Variants in PRKAR1B observed in about 807,000 individuals in gnomAD.
PRKAR1B encodes the protein protein kinase cAMP-dependent type I regulatory subunit beta, also known as cAMP-dependent protein kinase type I-beta regulatory subunit.
Under a neutral mutation model 46.5 loss-of-function variants are expected in PRKAR1B, and 22 were observed. The observed-to-expected ratio is 0.47, with a 90% CI of 0.34 to 0.68. The LOEUF is 0.68. Among genes scored for constraint, PRKAR1B ranks in the 30% least tolerant of loss-of-function variants. The pLI is 0.01. For synonymous variants in PRKAR1B, 259 were observed against 217.7 expected, an observed-to-expected ratio of 1.19 and a Z score of -1.67; for missense variants, 445 against 535.6, an observed-to-expected ratio of 0.83 and a Z score of 1.67.
chr7:652,614 A>G (rs1001732681), intron 4 of PRKAR1B, among the ~76,000 whole-genome samples: 1 of 152,242 alleles, frequency 6.6e-6, no homozygotes, highest in African/African-American at 2.4e-5. Context: ...ACAGGAGACT[A>G]TTTTGTAAAT....
At chr7:700,657 C>T (rs1314489432) in intron 2 of PRKAR1B, among the ~76,000 whole-genome samples, 1 of 148,990 alleles carries the variant, frequency 6.7e-6, no homozygotes, top group Non-Finnish European at 1.5e-5. Flanking sequence ...GCAAAGAAAT[C>T]AAATTTATTT....
In PRKAR1B at chr7:593,048, A is replaced by C. The variant is rs1781075796; in HGVS notation, c.708+3098T>G. Among the ~76,000 whole-genome samples, 1 of 152,204 alleles carries C rather than the reference A, an allele frequency of 6.6e-6. No homozygotes were observed. The highest frequency in any genetic ancestry group is 1.5e-5 in the Non-Finnish European group (1 of 68,038). On this transcript the variant is annotated intron_variant, in intron 7 of 10. Transcript: ENST00000537384. The surrounding 1 kb of genome is among the most constrained non-coding windows in gnomAD (Gnocchi z 6.1). Reference sequence around the variant, plus strand: ...GACATTGTTTCAAAAAAATTAAAAAAAACAAAAAGGTAAGAAAGAAAAAGC... The same window carrying C: ...GACATTGTTTCAAAAAAATTAAAAACAACAAAAAGGTAAGAAAGAAAAAGC...
At chr7:618,332 C>A (rs1192573931) in intron 4 of PRKAR1B, among the ~76,000 whole-genome samples, 1 of 152,196 alleles carries the variant, frequency 6.6e-6, no homozygotes, top group Non-Finnish European at 1.5e-5. Context: ...AAATATGGAG[C>A]ACTCAGTTCA....
chr7:714,302 T>A lies in PRKAR1B; in HGVS notation c.-22-2775A>T, dbSNP rs1318218015. Among the ~76,000 whole-genome samples the A allele has an allele frequency of 6.6e-6, 1 of 152,162 alleles. No homozygotes were observed. The highest frequency in any genetic ancestry group is 1.9e-4 in the East Asian group (1 of 5,196). On this transcript the variant is annotated intron_variant, in intron 1 of 10. Coordinates refer to ENST00000537384, the MANE Select transcript of PRKAR1B (RefSeq NM_001164760.2). The surrounding 1 kb of genome is among the most constrained non-coding windows in gnomAD (Gnocchi z 4.3). ...CTCTAGAGGAGAGTGGAGGCACCTC[T>A]CTGGCTGACCTCACAGGACAGCCCT...
chr7:670,148 G>A (rs559573365), intron 4 of PRKAR1B, among the ~76,000 whole-genome samples: 1 of 152,024 alleles, frequency 6.6e-6, no homozygotes, highest in African/African-American at 2.4e-5. Context: ...AATTATGGAC[G>A]TGAGCCACCG....
chr7:643,990 C>T (rs552264119), intron 4 of PRKAR1B, among the ~76,000 whole-genome samples: 4 of 152,260 alleles, frequency 2.6e-5, no homozygotes, highest in East Asian at 3.9e-4. Context: ...CTGTGCCATT[C>T]GAATTCCCAC....
chr7:715,333 C>T (rs1449817996), intron 1 of PRKAR1B, among the ~76,000 whole-genome samples: 2 of 152,140 alleles, frequency 1.3e-5, no homozygotes, highest in Admixed American at 6.5e-5. Flanking sequence ...TTAAATGCTC[C>T]TGGATGAAGA....
intron 3 of PRKAR1B, among the ~76,000 whole-genome samples, chr7:679,088 C>CA (rs901879336): frequency 6.6e-5 from 10 of 152,132 alleles, no homozygotes; most frequent in African/African-American, 2.4e-4. Flanking sequence ...AACTCCATCT[C>CA]AAAAAAATAT....
intron 1 of PRKAR1B, 30 bp downstream of exon 1, chr7:727,180 G>C (rs929116538): frequency 2.2e-5 from 29 of 1,338,734 alleles, no homozygotes; most frequent in Non-Finnish European, 2.7e-5. Context: ...CCTGGCCGTG[G>C]ACCTGTGCGG....
intron 2 of PRKAR1B, among the ~76,000 whole-genome samples, chr7:689,149 T>C (rs910751362): frequency 6.6e-6 from 1 of 152,006 alleles, no homozygotes; most frequent in Admixed American, 6.6e-5. Flanking sequence ...AGAGTCTCGC[T>C]CTGTCACCCA....
intron 2 of PRKAR1B, among the ~76,000 whole-genome samples, chr7:699,254 A>T (rs1201319645): frequency 1.1e-4 from 16 of 152,200 alleles, no homozygotes; most frequent in Admixed American, 1.0e-3. Context: ...CTCATTTGTA[A>T]GATGGGAATG....
chr7:605,026 T>C (rs1781930642), intron 6 of PRKAR1B, among the ~76,000 whole-genome samples: 1 of 152,092 alleles, frequency 6.6e-6, no homozygotes, highest in Non-Finnish European at 1.5e-5. Context: ...TCTCATGAGA[T>C]GTCATCACCA....
In PRKAR1B at chr7:670,560, C is replaced by T. The variant is rs113714326; in HGVS notation, c.440+6669G>A. On this transcript the variant is annotated intron_variant, in intron 4 of 10. Coordinates refer to ENST00000537384, the MANE Select transcript of PRKAR1B (RefSeq NM_001164760.2). ...CGCCACAGCATCCAGCAGAGGGGCTCAGGACCGAGGACGGCCTCCGAGCTC... is the reference window on the plus strand; with the variant it reads ...CGCCACAGCATCCAGCAGAGGGGCTTAGGACCGAGGACGGCCTCCGAGCTC... 4.4e-3 allele frequency among the ~76,000 whole-genome samples: 663 copies of T among 150,046 alleles called. 1 individual carries two copies. The highest frequency in any genetic ancestry group is 0.022 in the South Asian group (101 of 4,648).
intron 4 of PRKAR1B, among the ~76,000 whole-genome samples, chr7:638,922 A>G (rs1417933879): frequency 6.6e-6 from 1 of 152,016 alleles, no homozygotes; most frequent in Non-Finnish European, 1.5e-5. Context: ...TATTACAAAT[A>G]CAAAAATTAT....
At chr7:613,826 C>T (rs977836258) in intron 4 of PRKAR1B, among the ~76,000 whole-genome samples, 1 of 152,220 alleles carries the variant, frequency 6.6e-6, no homozygotes, top group Non-Finnish European at 1.5e-5. Context: ...GGGACTTGCA[C>T]GGGAAAGCTC....
At chr7:704,768 C>T (rs1195702812) in intron 2 of PRKAR1B, among the ~76,000 whole-genome samples, 8 of 152,080 alleles carry the variant, frequency 5.3e-5, no homozygotes, top group East Asian at 1.9e-4. Context: ...GACTCTGTCT[C>T]GGAGTAAATA....
At chr7:612,932 A>ATG (rs1491217013) in intron 4 of PRKAR1B, among the ~76,000 whole-genome samples, 30 of 150,806 alleles carry the variant, frequency 2.0e-4, no homozygotes, top group Admixed American at 3.3e-4. Flanking sequence ...CAATGAAAAG[A>ATG]TGTGTGTGTG....
Position 705,379 on chromosome 7 carries a change from C to T in PRKAR1B, c.177+5950G>A, listed in dbSNP as rs182821187. Among the ~76,000 whole-genome samples the T allele has an allele frequency of 3.4e-3, 505 of 148,268 alleles. 4 individuals carry two copies. Among genetic ancestry groups the T allele is most frequent in the African/African-American group, 0.012 (477 of 40,190 alleles). On this transcript the variant is annotated intron_variant, in intron 2 of 10. Coordinates refer to ENST00000537384, the MANE Select transcript of PRKAR1B (RefSeq NM_001164760.2). ...CCATATACCTATTAGAATGGCTAAACGTTTTTTAAAACTGACAGTATCAAA... is the reference window on the plus strand; with the variant it reads ...CCATATACCTATTAGAATGGCTAAATGTTTTTTAAAACTGACAGTATCAAA...
chr7:726,729 G>C, intron 1 of PRKAR1B: 1 of 1,240,288 alleles, frequency 8.1e-7, no homozygotes, highest in Non-Finnish European at 1.0e-6. Flanking sequence ...AGATGGCGGC[G>C]CTGGGGGTGG....
Sources: allele counts gnomAD v4.1 joint callset (sites outside exome capture counted in the v4.1 genomes callset), GRCh38; gene constraint gnomAD v4.1.1; non-coding constraint Gnocchi (gnomAD v3.1); transcripts MANE v1.5; gene names NCBI Gene and HGNC (gene_info 2026-07-23, HGNC 2026-07-21).